Variants in LPP observed in about 807,000 individuals in gnomAD.
LPP encodes lipoma-preferred partner.
LPP carries 38 observed loss-of-function variants against 60.4 expected under a neutral mutation model. The ratio of observed to expected loss-of-function variants is 0.63; its 90% confidence interval spans 0.49 to 0.83. LPP has a LOEUF of 0.83. Ranked by LOEUF, LPP falls within the 40% of genes least tolerant of loss-of-function variation. LPP has a pLI of 0.00. For synonymous variants in LPP, 328 were observed against 290.8 expected (o/e 1.13, Z -1.30); for missense variants, 902 against 783.6 (o/e 1.15, Z -1.80).
intron 4 of LPP, among the ~76,000 whole-genome samples, chr3:188,406,588 C>T (rs1397079512): frequency 1.3e-5 from 2 of 152,146 alleles, no homozygotes; most frequent in African/African-American, 4.8e-5. Flanking sequence ...CAGCTCAATG[C>T]CTTTCTACTG....
chr3:188,311,472 CTAAACTAAACT>C (rs1362792309), intron 2 of LPP, among the ~76,000 whole-genome samples: 1 of 23,104 alleles, frequency 4.3e-5, no homozygotes, highest in Non-Finnish European at 8.8e-5. Flanking sequence ...GACCCTATCT[CTAAACTAAACT>C]AAACTAAACT....
chr3:188,347,628 A>C (rs1397062040), intron 3 of LPP, among the ~76,000 whole-genome samples: 1 of 152,118 alleles, frequency 6.6e-6, no homozygotes, highest in Non-Finnish European at 1.5e-5. Context: ...TGAGACTTTT[A>C]ACAGAGATAA....
intron 4 of LPP, among the ~76,000 whole-genome samples, chr3:188,469,879 CTT>C (rs1458936950): frequency 3.9e-5 from 6 of 152,168 alleles, no homozygotes; most frequent in South Asian, 4.1e-4. Context: ...GTAAAAATAA[CTT>C]ATATTTATGT....
At chr3:188,339,565 A>T (rs1435031484) in intron 2 of LPP, among the ~76,000 whole-genome samples, 1 of 152,198 alleles carries the variant, frequency 6.6e-6, no homozygotes, top group African/African-American at 2.4e-5. Flanking sequence ...CACCTTCTTC[A>T]CAGGGCGGCA....
intron 1 of LPP, among the ~76,000 whole-genome samples, chr3:188,211,781 G>A (rs531587563): frequency 6.6e-6 from 1 of 151,896 alleles, no homozygotes; most frequent in Non-Finnish European, 1.5e-5. Flanking sequence ...AGGACTCCCA[G>A]ACCAAGAGAC....
At chr3:188,718,302 A>G (rs905903067) in intron 8 of LPP, among the ~76,000 whole-genome samples, 6 of 151,222 alleles carry the variant, frequency 4.0e-5, no homozygotes, top group Admixed American at 3.9e-4. Flanking sequence ...CTTTCTGAGT[A>G]ATGGACAGTC....
At chr3:188,442,131 TTTA>T (rs1191930171) in intron 4 of LPP, among the ~76,000 whole-genome samples, 1 of 152,184 alleles carries the variant, frequency 6.6e-6, no homozygotes, top group African/African-American at 2.4e-5. Context: ...TTTATTTATT[TTTA>T]TTATTATACT....
intron 2 of LPP, among the ~76,000 whole-genome samples, chr3:188,312,272 A>G (rs931030246): frequency 3.3e-5 from 5 of 152,110 alleles, no homozygotes; most frequent in Non-Finnish European, 7.4e-5. Flanking sequence ...TCTAAACACC[A>G]TTTGAAATGA....
At chr3:188,240,747 A>G (rs2149457240) in intron 2 of LPP, among the ~76,000 whole-genome samples, 1 of 152,246 alleles carries the variant, frequency 6.6e-6, no homozygotes, top group African/African-American at 2.4e-5. Flanking sequence ...TTTTGGTGGG[A>G]GGAGCATGGC....
intron 7 of LPP, among the ~76,000 whole-genome samples, chr3:188,695,191 T>C (rs947676842): frequency 2.6e-5 from 4 of 152,234 alleles, no homozygotes; most frequent in African/African-American, 9.6e-5. Flanking sequence ...TTTATACTCT[T>C]GTAAATTATA....
At chr3:188,491,244 C>A (rs1808285551) in intron 5 of LPP, among the ~76,000 whole-genome samples, 2 of 152,186 alleles carry the variant, frequency 1.3e-5, no homozygotes, top group Non-Finnish European at 2.9e-5. Flanking sequence ...TCATAAAAGT[C>A]TGTCTTTCTG....
At chr3:188,461,615 G>A (rs1798973597) in intron 4 of LPP, among the ~76,000 whole-genome samples, 1 of 152,134 alleles carries the variant, frequency 6.6e-6, no homozygotes, top group African/African-American at 2.4e-5. Flanking sequence ...GCATAGATTA[G>A]TTTTGCTTAT....
chr3:188,783,290 A>T (rs1740419404), intron 9 of LPP, among the ~76,000 whole-genome samples: 1 of 152,184 alleles, frequency 6.6e-6, no homozygotes, highest in African/African-American at 2.4e-5. Context: ...AATAGCAAAG[A>T]CATGGAATCA....
chr3:188,475,120 C>CAT (rs1195138944), intron 4 of LPP, among the ~76,000 whole-genome samples: 1 of 152,188 alleles, frequency 6.6e-6, no homozygotes, highest in Admixed American at 6.5e-5. Flanking sequence ...AGGTGTCTCA[C>CAT]ATTTGTACAG....
At chr3:188,803,281 G>A (rs1747892033) in intron 9 of LPP, among the ~76,000 whole-genome samples, 1 of 152,080 alleles carries the variant, frequency 6.6e-6, no homozygotes, top group Non-Finnish European at 1.5e-5. Context: ...CTGGCCTCAT[G>A]TGATCCACCT....
At position 188,849,353 on chromosome 3, in the gene LPP, T is replaced by C. The variant is rs192300655; in HGVS notation, c.1411-16847T>C. 1.8e-3 allele frequency among the ~76,000 whole-genome samples: 278 copies of C among 151,058 alleles called. 1 individual carries two copies. Among genetic ancestry groups the C allele is most frequent in the Non-Finnish European group, 3.4e-3 (232 of 68,024 alleles). The stretch of plus-strand genomic sequence containing the variant: ...GTTCTAAAGAAAGAAAGGAAGAGAA[T>C]GGAAACAATTTTCAAGGCCTACCAC... On this transcript the variant is annotated intron_variant, in intron 9 of 11. Transcript: ENST00000617246.
intron 9 of LPP, among the ~76,000 whole-genome samples, chr3:188,806,768 T>G (rs766406132): frequency 1.2e-4 from 18 of 152,044 alleles, no homozygotes; most frequent in Non-Finnish European, 2.1e-4. Context: ...TCAAATACTA[T>G]TATATCACTG....
At chr3:188,560,456 T>C (rs1470034205) in intron 6 of LPP, among the ~76,000 whole-genome samples, 1 of 152,108 alleles carries the variant, frequency 6.6e-6, no homozygotes, top group African/African-American at 2.4e-5. Context: ...TCCTACGTAA[T>C]GTAGTTTAGG....
chr3:188,314,118 T>C (rs1326255167), intron 2 of LPP, among the ~76,000 whole-genome samples: 1 of 152,182 alleles, frequency 6.6e-6, no homozygotes, highest in East Asian at 1.9e-4. Context: ...CTTCTAACTG[T>C]ACTAATACCT....
Sources: allele counts gnomAD v4.1 joint callset (sites outside exome capture counted in the v4.1 genomes callset), GRCh38; gene constraint gnomAD v4.1.1; transcripts MANE v1.5; gene names NCBI Gene and HGNC (gene_info 2026-07-23, HGNC 2026-07-21).